GPR158: variants seen among roughly 807,000 people sequenced by gnomAD.
GPR158 encodes the protein metabotropic glycine receptor.
A neutral mutation model predicts 78.2 loss-of-function variants in GPR158; 30 were observed. That is an observed-to-expected ratio of 0.38 (90% CI 0.29 to 0.52). GPR158 has a LOEUF of 0.52. GPR158 is among the 20% of genes least tolerant of loss of function. GPR158 has a pLI of 0.83. For missense variants in GPR158, 1,463 were observed against 1,523.5 expected, an observed-to-expected ratio of 0.96 and a Z score of 0.66; for synonymous variants, 581 against 591.1, an observed-to-expected ratio of 0.98 and a Z score of 0.25.
chr10:25,372,336 G>A (rs1431494588), intron 2 of GPR158, among the ~76,000 whole-genome samples: 1 of 151,728 alleles, frequency 6.6e-6, no homozygotes. Flanking sequence ...AATACCATTT[G>A]ACCCAGCCAT....
At chr10:25,422,545 T>C (rs991117353) in intron 4 of GPR158, among the ~76,000 whole-genome samples, 1 of 151,990 alleles carries the variant, frequency 6.6e-6, no homozygotes, top group Non-Finnish European at 1.5e-5. Context: ...TGGAAACTGC[T>C]GCTTTATATA....
chr10:25,372,005 T>A (rs983029513), intron 2 of GPR158, among the ~76,000 whole-genome samples: 2 of 151,728 alleles, frequency 1.3e-5, no homozygotes, highest in African/African-American at 4.9e-5. Context: ...CAAATAAATT[T>A]ACAAGACAAA....
At chr10:25,213,777 A>G (rs1251748416) in intron 1 of GPR158, among the ~76,000 whole-genome samples, 1 of 152,142 alleles carries the variant, frequency 6.6e-6, no homozygotes, top group Non-Finnish European at 1.5e-5. Flanking sequence ...TTGTGCTATT[A>G]AAGTTTTTTC....
intron 2 of GPR158, among the ~76,000 whole-genome samples, chr10:25,331,010 G>A: frequency 6.6e-6 from 1 of 152,152 alleles, no homozygotes; most frequent in South Asian, 2.1e-4. Context: ...TGCCATCAGA[G>A]CTTATGGCAG....
intron 1 of GPR158, among the ~76,000 whole-genome samples, chr10:25,201,667 T>A (rs954877871): frequency 6.6e-6 from 1 of 152,162 alleles, no homozygotes; most frequent in Non-Finnish European, 1.5e-5. Context: ...CAATGCCTAG[T>A]TTGTTGAGGG....
chr10:25,345,988 G>T (rs1231347928), intron 2 of GPR158, among the ~76,000 whole-genome samples: 24 of 151,908 alleles, frequency 1.6e-4, no homozygotes, highest in Admixed American at 1.6e-3. Flanking sequence ...TGAGCATGAG[G>T]AGCAGAAGGC....
rs371433835 is a variant in GPR158 at position 25,186,400 on chromosome 10, C to T, written c.902+10078C>T. Among the ~76,000 whole-genome samples the T allele has an allele frequency of 1.7e-4, 26 of 151,978 alleles. No homozygotes were observed. The East Asian group carries it at 4.3e-3, about 25-fold the overall frequency. Reference sequence around the variant, plus strand: ...AGCAGAACTGAAGGAGATAGAGACACAAAAAACCCTTCAAAAAATCAGTGA... The same window carrying T: ...AGCAGAACTGAAGGAGATAGAGACATAAAAAACCCTTCAAAAAATCAGTGA... On this transcript the variant is annotated intron_variant, in intron 1 of 10. Transcript: ENST00000376351.
intron 2 of GPR158, among the ~76,000 whole-genome samples, chr10:25,334,105 A>G (rs1273787707): frequency 6.6e-6 from 1 of 152,160 alleles, no homozygotes; most frequent in East Asian, 1.9e-4. Flanking sequence ...CCTACTAGAA[A>G]TCAAAGAGAA....
At position 25,550,971 on chromosome 10, in the gene GPR158, C is replaced by T; in HGVS notation, c.1405-5C>T. 1 of 1,487,168 alleles carries T rather than the reference C, an allele frequency of 6.7e-7. No individual in the cohort carries two copies. Among genetic ancestry groups the T allele is most frequent in the Non-Finnish European group, 9.4e-7 (1 of 1,064,488 alleles). The allele number at this position is 1,487,168 out of a possible 1,614,324, so 92.1% of individuals were successfully genotyped here. On this transcript the variant is annotated splice_polypyrimidine_tract_variant and splice_region_variant and intron_variant, in intron 5 of 10. Transcript: ENST00000376351. ...TGAAGGTCTCTTTCTGTTTTCATCC[C>T]ACAGGTTGTTATTTTGTACTTTGAG...
At chr10:25,417,137 T>A (rs912787507) in intron 4 of GPR158, among the ~76,000 whole-genome samples, 1 of 152,174 alleles carries the variant, frequency 6.6e-6, no homozygotes, top group African/African-American at 2.4e-5. Context: ...CTCCTGTGGA[T>A]CTTTATGTAG....
intron 2 of GPR158, among the ~76,000 whole-genome samples, chr10:25,347,436 T>C (rs1018684008): frequency 1.5e-4 from 23 of 152,050 alleles, no homozygotes; most frequent in African/African-American, 4.8e-4. Flanking sequence ...TTTTTTACCA[T>C]GTAAGGCAGC....
At chr10:25,445,538 T>C (rs1835128774) in intron 4 of GPR158, among the ~76,000 whole-genome samples, 1 of 152,220 alleles carries the variant, frequency 6.6e-6, no homozygotes, top group African/African-American at 2.4e-5. Flanking sequence ...TAGAAATCTC[T>C]CTGGTTGAAT....
chr10:25,253,310 G>C (rs2130725152), intron 2 of GPR158, among the ~76,000 whole-genome samples: 1 of 152,304 alleles, frequency 6.6e-6, no homozygotes, highest in East Asian at 1.9e-4. Flanking sequence ...GACCGGAGCA[G>C]TTCCTATTCG....
chr10:25,424,718 C>T (rs12776630), intron 4 of GPR158, among the ~76,000 whole-genome samples: 2 of 151,530 alleles, frequency 1.3e-5, no homozygotes, highest in African/African-American at 4.8e-5. Flanking sequence ...ATTTCTGAGG[C>T]CTCTGTTCTG....
intron 4 of GPR158, among the ~76,000 whole-genome samples, chr10:25,419,149 T>C (rs1834711548): frequency 6.6e-6 from 1 of 152,134 alleles, no homozygotes; most frequent in Admixed American, 6.6e-5. Flanking sequence ...CATTATACAA[T>C]AACATCCCAT....
intron 7 of GPR158, among the ~76,000 whole-genome samples, chr10:25,579,656 A>G (rs12357174): frequency 0.29 from 44,614 of 152,130 alleles, 7,131 homozygotes; most frequent in Non-Finnish European, 0.36. Flanking sequence ...CTAATAAATG[A>G]TAGCATCGAG....
chr10:25,367,002 C>T (rs1332064162), intron 2 of GPR158, among the ~76,000 whole-genome samples: 6 of 151,598 alleles, frequency 4.0e-5, no homozygotes, highest in African/African-American at 1.2e-4. Flanking sequence ...TATAGCTTGA[C>T]ATTTTACTTT....
At chr10:25,334,028 A>T (rs1276489423) in intron 2 of GPR158, among the ~76,000 whole-genome samples, 1 of 152,170 alleles carries the variant, frequency 6.6e-6, no homozygotes, top group Non-Finnish European at 1.5e-5. Flanking sequence ...TAGTTCAAAT[A>T]TACTGTGGTT....
At chr10:25,392,880 A>G (rs1834320075) in intron 2 of GPR158, among the ~76,000 whole-genome samples, 3 of 152,204 alleles carry the variant, frequency 2.0e-5, no homozygotes, top group Non-Finnish European at 4.4e-5. Context: ...TGAAAACAGT[A>G]GCACATTTGG....
Sources: allele counts gnomAD v4.1 joint callset (sites outside exome capture counted in the v4.1 genomes callset), GRCh38; gene constraint gnomAD v4.1.1; transcripts MANE v1.5; gene names NCBI Gene and HGNC (gene_info 2026-07-23, HGNC 2026-07-21).